The following EXOC6 variants were observed in gnomAD, a reference collection of about 807,000 sequenced individuals.
The protein encoded by EXOC6 is exocyst complex component 6.
A neutral mutation model predicts 112.5 loss-of-function variants in EXOC6; 60 were observed. The ratio of observed to expected loss-of-function variants is 0.53; its 90% confidence interval spans 0.43 to 0.66. EXOC6 has a LOEUF of 0.66. Ranked by LOEUF, EXOC6 falls within the 30% of genes least tolerant of loss-of-function variation. The pLI is 0.00. For synonymous variants in EXOC6, 295 were observed against 308.0 expected (o/e 0.96, Z 0.44); for missense variants, 855 against 957.1 (o/e 0.89, Z 1.41).
At position 93,032,031 on chromosome 10, in the gene EXOC6, A is replaced by T. The variant is rs532545506; in HGVS notation, c.2169+17764A>T. On this transcript the variant is annotated intron_variant, in intron 20 of 21. Transcript: ENST00000260762. ...CCACTCTTATGTTCTACCACTTTAT[A>T]GGGAAATCTGTTATGAATAATTTGT... Among the ~76,000 whole-genome samples the T allele has an allele frequency of 1.4e-3, 219 of 152,308 alleles. 1 individual carries two copies. The highest frequency in any genetic ancestry group is 1.7e-3 in the Non-Finnish European group (117 of 68,024).
At chr10:92,944,767 CGTT>C (rs1564850695) in intron 13 of EXOC6, among the ~76,000 whole-genome samples, 3 of 145,118 alleles carry the variant, frequency 2.1e-5, no homozygotes, top group African/African-American at 7.8e-5. Flanking sequence ...GGTGATACCT[CGTT>C]GTATTTTTTT....
intron 7 of EXOC6, among the ~76,000 whole-genome samples, chr10:92,917,143 T>A (rs2133896668): frequency 6.6e-6 from 1 of 152,078 alleles, no homozygotes; most frequent in African/African-American, 2.4e-5. Flanking sequence ...ATTTTTGTAT[T>A]TTTATTAGAG....
At chr10:92,929,795 A>G (rs1851926993) in intron 9 of EXOC6, among the ~76,000 whole-genome samples, 1 of 152,214 alleles carries the variant, frequency 6.6e-6, no homozygotes, top group Non-Finnish European at 1.5e-5. Flanking sequence ...TAAGCATCAC[A>G]AAGACACAGA....
chr10:92,908,437 T>C (rs1466230664), intron 5 of EXOC6, among the ~76,000 whole-genome samples: 1 of 152,118 alleles, frequency 6.6e-6, no homozygotes, highest in Non-Finnish European at 1.5e-5. Context: ...TGTACATTAG[T>C]TAATGCCTTT....
chr10:92,921,245 CTT>C (rs11443044), intron 8 of EXOC6, among the ~76,000 whole-genome samples: 5 of 115,760 alleles, frequency 4.3e-5, no homozygotes, highest in Admixed American at 1.0e-4. Flanking sequence ...TTGTCATTTC[CTT>C]TTTTTTTTTT....
chr10:93,056,822 AG>A, intron 20 of EXOC6, 101 bp from the exon 21 acceptor site: 1 of 668,666 alleles, frequency 1.5e-6, no homozygotes, highest in Non-Finnish European at 2.6e-6. Flanking sequence ...GTTCCATCTA[AG>A]AAGCAAGCCA....
chr10:92,908,057 CT>C (rs10632745), intron 5 of EXOC6, among the ~76,000 whole-genome samples: 54 of 100,706 alleles, frequency 5.4e-4, no homozygotes, highest in Non-Finnish European at 5.5e-4. Flanking sequence ...AATATAATGT[CT>C]TTTTTTTTTT....
chr10:92,915,884 C>T lies in EXOC6; in HGVS notation c.790C>T (p.Leu264Phe), dbSNP rs747674877. The T allele has an allele frequency of 6.5e-7, 1 of 1,544,082 alleles. No homozygotes were observed. Among genetic ancestry groups the T allele is most frequent in the South Asian group, 1.3e-5 (1 of 77,822 alleles). ...GAATGAAACTGTATTGAAACATTCA[C>T]TTGAAGAAGAGGATGAGAATGAAGA... ...ERNETVLKHS[L>F]EEEDENEEEI... Residue 264 changes from leucine (L) to phenylalanine (F), a missense_variant, in exon 7 of 22, where the codon CTT (leucine) becomes TTT (phenylalanine). Physicochemically the swap from Leu to Phe is conservative, Grantham distance 22. Coordinates refer to ENST00000260762, the MANE Select transcript of EXOC6 (RefSeq NM_019053.6).
intron 4 of EXOC6, among the ~76,000 whole-genome samples, 171 bp from the exon 5 acceptor site, chr10:92,899,428 A>T (rs1323629174): frequency 1.3e-5 from 2 of 152,276 alleles, no homozygotes; most frequent in East Asian, 3.9e-4. Flanking sequence ...GGAAATAAAC[A>T]TGTTTTCATA....
chr10:93,002,611 A>G (rs1843805960), intron 19 of EXOC6, among the ~76,000 whole-genome samples: 2 of 152,140 alleles, frequency 1.3e-5, no homozygotes, highest in Non-Finnish European at 2.9e-5. Flanking sequence ...CTTTGTATCT[A>G]TTTAGGTCAA....
At chr10:92,850,385 A>T (rs1407412313) in intron 1 of EXOC6, among the ~76,000 whole-genome samples, 1 of 152,038 alleles carries the variant, frequency 6.6e-6, no homozygotes, top group Non-Finnish European at 1.5e-5. Flanking sequence ...ATCCCTGGTG[A>T]CTCATACTTA....
At chr10:92,834,876 C>A in intron 1 of EXOC6, 1 of 1,057,276 alleles carries the variant, frequency 9.5e-7, no homozygotes, top group South Asian at 1.5e-5. Context: ...ATAAGGTGGT[C>A]CTTTACCCTG....
At chr10:92,934,517 C>G (rs574520040) in intron 11 of EXOC6, 87 bp downstream of exon 11, 11 of 1,111,632 alleles carry the variant, frequency 9.9e-6, no homozygotes, top group Non-Finnish European at 1.3e-5. Context: ...AAAACTGTAC[C>G]TCCATCATTC....
chr10:93,018,480 C>G (rs905174199), intron 20 of EXOC6, among the ~76,000 whole-genome samples: 17 of 152,144 alleles, frequency 1.1e-4, no homozygotes. Flanking sequence ...TTATTTCCTG[C>G]TGGTCTTTTT....
intron 19 of EXOC6, among the ~76,000 whole-genome samples, chr10:93,002,042 G>T (rs1490890769): frequency 6.6e-6 from 1 of 152,034 alleles, no homozygotes; most frequent in African/African-American, 2.4e-5. Flanking sequence ...TTCTATAATT[G>T]ATTAATAAAG....
chr10:93,027,389 T>A (rs1389357115), intron 20 of EXOC6, among the ~76,000 whole-genome samples: 2 of 152,216 alleles, frequency 1.3e-5, no homozygotes, highest in Non-Finnish European at 2.9e-5. Context: ...AGATAATTGA[T>A]GAAGTGGCTA....
chr10:93,030,633 C>G (rs1408566501), intron 20 of EXOC6, among the ~76,000 whole-genome samples: 1 of 152,176 alleles, frequency 6.6e-6, no homozygotes, highest in East Asian at 1.9e-4. Context: ...CTCATCAAGG[C>G]TGTTGTTATT....
At position 92,893,442 on chromosome 10, in the gene EXOC6, G is replaced by T; in HGVS notation, c.195G>T (p.Met65Ile). ...IRNHDKEIEK[M>I]CNFHHQGFVD... ...ATCATGACAAGGAAATTGAAAAGATGTGTAATTTTCATCATCAGGGTTTTG... is the reference window on the plus strand; with the variant it reads ...ATCATGACAAGGAAATTGAAAAGATTTGTAATTTTCATCATCAGGGTTTTG... Residue 65 changes from methionine to isoleucine, a missense_variant, in exon 2 of 22, where the codon ATG becomes ATT. Transcript: ENST00000260762. The T allele has an allele frequency of 6.2e-7, 1 of 1,612,902 alleles. No individual in the cohort carries two copies. Among genetic ancestry groups the T allele is most frequent in the Non-Finnish European group, 8.5e-7 (1 of 1,179,218 alleles).
At chr10:93,018,394 C>T (rs567486677) in intron 20 of EXOC6, among the ~76,000 whole-genome samples, 5 of 151,988 alleles carry the variant, frequency 3.3e-5, no homozygotes, top group Non-Finnish European at 7.4e-5. Flanking sequence ...TTCAAAAAAA[C>T]ATTAGAATAT....
Sources: gnomAD v4.1 joint callset for allele counts (sites outside exome capture counted in the v4.1 genomes callset) on GRCh38, gnomAD v4.1.1 for gene constraint, MANE v1.5 for transcripts, NCBI Gene and HGNC (gene_info 2026-07-23, HGNC 2026-07-21) for gene names.